Variants in FSTL4 observed in about 807,000 individuals in gnomAD.
The protein encoded by FSTL4 is follistatin-related protein 4.
FSTL4 carries 28 observed loss-of-function variants against 78.2 expected under a neutral mutation model. The ratio of observed to expected loss-of-function variants is 0.36; its 90% CI spans 0.27 to 0.49. The LOEUF (loss-of-function observed/expected upper bound fraction) is 0.49, where lower values mean the gene tolerates loss of function less well. Ranked by LOEUF, FSTL4 falls within the 20% of genes least tolerant of loss-of-function variation. The pLI is 0.98. For missense variants in FSTL4, 922 were observed against 1,084.9 expected (o/e 0.85, Z 2.11); for synonymous variants, 422 against 440.5 (o/e 0.96, Z 0.53).
chr5:133,824,518 A>G, the FSTL4 span, among the ~76,000 whole-genome samples: 1 of 152,184 alleles, frequency 6.6e-6, no homozygotes, highest in Admixed American at 6.5e-5. Context: ...CAGGAAAGGG[A>G]GATGAAGACC....
chr5:133,384,184 AAGG>A (rs577967238), intron 4 of FSTL4, among the ~76,000 whole-genome samples: 56 of 152,262 alleles, frequency 3.7e-4, no homozygotes, highest in African/African-American at 1.3e-3. Flanking sequence ...CAACTCAGGA[AAGG>A]AAGGTGCAAT....
At chr5:133,755,272 C>A in the FSTL4 span, among the ~76,000 whole-genome samples, 5 of 152,156 alleles carry the variant, frequency 3.3e-5, no homozygotes, top group Admixed American at 3.3e-4. Flanking sequence ...CAACCTACAC[C>A]CAGGATAGCA....
At chr5:133,657,304 G>A in the FSTL4 span, among the ~76,000 whole-genome samples, 2 of 152,176 alleles carry the variant, frequency 1.3e-5, no homozygotes, top group African/African-American at 2.4e-5. Context: ...GAAACACGGT[G>A]GAGAGCTGTG....
At chr5:133,653,027 C>A in the FSTL4 span, among the ~76,000 whole-genome samples, 1 of 152,120 alleles carries the variant, frequency 6.6e-6, no homozygotes. Context: ...AGTGCTCATT[C>A]CTTGTGAGTG....
At chr5:133,374,701 A>T (rs1172408633) in intron 4 of FSTL4, among the ~76,000 whole-genome samples, 5 of 151,882 alleles carry the variant, frequency 3.3e-5, no homozygotes, top group African/African-American at 9.7e-5. Flanking sequence ...ATACCCTTTT[A>T]AAAAAAAGAC....
intron 3 of FSTL4, among the ~76,000 whole-genome samples, chr5:133,545,211 G>A (rs1759551820): frequency 6.6e-6 from 1 of 152,166 alleles, no homozygotes; most frequent in South Asian, 2.1e-4. Context: ...TATGGTTTGA[G>A]AGTGCTCCCC....
intron 3 of FSTL4, among the ~76,000 whole-genome samples, chr5:133,468,441 G>A (rs903346282): frequency 2.6e-5 from 4 of 152,222 alleles, no homozygotes; most frequent in African/African-American, 9.6e-5. Context: ...CAGTATTAGG[G>A]TGAGTTAAGA....
At chr5:133,370,654 G>T (rs1051692333) in intron 4 of FSTL4, among the ~76,000 whole-genome samples, 6 of 152,036 alleles carry the variant, frequency 3.9e-5, no homozygotes, top group Non-Finnish European at 8.8e-5. Context: ...TTGGGGTTTG[G>T]ACTCCTGTCC....
intron 3 of FSTL4, among the ~76,000 whole-genome samples, chr5:133,547,715 C>A (rs889189683): frequency 6.6e-6 from 1 of 152,240 alleles, no homozygotes; most frequent in East Asian, 1.9e-4. Context: ...ACTCAGCTCA[C>A]CCCCATGTTA....
chr5:133,682,412 A>G, the FSTL4 span, among the ~76,000 whole-genome samples: 60,208 of 152,186 alleles, frequency 0.4, 15,193 homozygotes, highest in African/African-American at 0.73. Flanking sequence ...AATTCATGCT[A>G]CCTAGAATAG....
chr5:133,759,305 GT>G, the FSTL4 span, among the ~76,000 whole-genome samples: 9 of 152,328 alleles, frequency 5.9e-5, no homozygotes, highest in African/African-American at 1.9e-4. Context: ...ATACTCAATG[GT>G]GGAGGTGGAA....
the FSTL4 span, among the ~76,000 whole-genome samples, chr5:133,724,535 A>T: frequency 6.6e-6 from 1 of 151,982 alleles, no homozygotes; most frequent in Non-Finnish European, 1.5e-5. Flanking sequence ...GTAGTCAGTC[A>T]CCTTGTTGAC....
chr5:133,370,024 G>C (rs1755258905), intron 4 of FSTL4, among the ~76,000 whole-genome samples: 1 of 151,820 alleles, frequency 6.6e-6, no homozygotes, highest in East Asian at 2.0e-4. Flanking sequence ...CCCAAGCCAA[G>C]AGCATCCTAC....
chr5:133,641,828 T>G, the FSTL4 span, among the ~76,000 whole-genome samples: 1 of 152,090 alleles, frequency 6.6e-6, no homozygotes, highest in Non-Finnish European at 1.5e-5. Context: ...CTCCTCCTTC[T>G]TCTTTCCTCT....
intron 3 of FSTL4, among the ~76,000 whole-genome samples, chr5:133,542,261 C>T (rs1759492851): frequency 6.6e-6 from 1 of 152,100 alleles, no homozygotes; most frequent in Non-Finnish European, 1.5e-5. Context: ...GACTTATCCA[C>T]TTAAAATTGT....
At chr5:133,693,234 T>C in the FSTL4 span, among the ~76,000 whole-genome samples, 7 of 152,200 alleles carry the variant, frequency 4.6e-5, no homozygotes, top group Non-Finnish European at 1.0e-4. Context: ...GACTCTCTCA[T>C]AAACATTTAA....
chr5:133,691,886 T>C, the FSTL4 span, among the ~76,000 whole-genome samples: 6 of 152,190 alleles, frequency 3.9e-5, no homozygotes, highest in African/African-American at 1.2e-4. Context: ...TGGAGCTGTA[T>C]CTTCACCACT....
At chr5:133,358,474 G>T (rs960130158) in intron 4 of FSTL4, among the ~76,000 whole-genome samples, 2 of 152,188 alleles carry the variant, frequency 1.3e-5, no homozygotes, top group South Asian at 4.1e-4. Flanking sequence ...AGCAGGGAGG[G>T]CGAGGGGGCC....
At chr5:133,762,636 G>A in the FSTL4 span, among the ~76,000 whole-genome samples, 1 of 152,134 alleles carries the variant, frequency 6.6e-6, no homozygotes, top group African/African-American at 2.4e-5. Flanking sequence ...TCTCTGCTCT[G>A]CTGCCCTCCA....
Sources: allele counts gnomAD v4.1 joint callset (sites outside exome capture counted in the v4.1 genomes callset), GRCh38; gene constraint gnomAD v4.1.1; transcripts MANE v1.5; gene names NCBI Gene and HGNC (gene_info 2026-07-23, HGNC 2026-07-21).